APPBP2: variants seen among roughly 807,000 people sequenced by gnomAD.
The protein encoded by APPBP2 is amyloid protein-binding protein 2.
A neutral mutation model predicts 76.0 loss-of-function variants in APPBP2; 15 were observed. The observed-to-expected ratio is 0.20, with a 90% CI of 0.13 to 0.30. The LOEUF is 0.30. Among genes scored for constraint, APPBP2 ranks in the 10% least tolerant of loss-of-function variants. The pLI, the probability that APPBP2 is intolerant of heterozygous loss-of-function variation, is 1.00. For synonymous variants in APPBP2, 222 were observed against 242.2 expected, an observed-to-expected ratio of 0.92 and a Z score of 0.77; for missense variants, 401 against 687.2, an observed-to-expected ratio of 0.58 and a Z score of 4.66.
At position 60,466,380 on chromosome 17, in the gene APPBP2, T is replaced by C; in HGVS notation, c.583A>G (p.Lys195Glu). Residue 195 changes from lysine (K) to glutamate (E), a missense_variant, in exon 5 of 13, where the codon AAA becomes GAA. Lys to Glu is a moderately conservative substitution (Grantham distance 56). Coordinates refer to ENST00000083182, the MANE Select transcript of APPBP2 (RefSeq NM_006380.5). ...GCTTGCTGGCCATGTTTTGATAGTT[T>C]ATCCATATATGTCTGAGCTAATTTA... Reference protein sequence around the residue: ...TFKLAQTYMDKLSKHGQQANK... With the variant: ...TFKLAQTYMDELSKHGQQANK... 1 of 1,614,034 alleles carries C rather than the reference T, an allele frequency of 6.2e-7. No individual in the cohort carries two copies. The highest frequency in any genetic ancestry group is 1.1e-5 in the South Asian group (1 of 91,082).
intron 12 of APPBP2, among the ~76,000 whole-genome samples, chr17:60,449,598 A>G (rs529355441): frequency 5.3e-5 from 8 of 152,226 alleles, no homozygotes; most frequent in Non-Finnish European, 1.0e-4. Context: ...TCTTGTCTCA[A>G]AACAAAACAA....
chr17:60,504,517 T>C (rs2090851079), intron 1 of APPBP2, among the ~76,000 whole-genome samples: 1 of 152,202 alleles, frequency 6.6e-6, no homozygotes. Context: ...ATTCCAGATT[T>C]ATCAAAGTTT....
At chr17:60,448,869 T>G (rs1567916130) in intron 12 of APPBP2, among the ~76,000 whole-genome samples, 1 of 152,110 alleles carries the variant, frequency 6.6e-6, no homozygotes, top group East Asian at 1.9e-4. Flanking sequence ...TCAGAGAAAA[T>G]TATATGTATC....
At chr17:60,495,758 T>C (rs1161138321) in intron 2 of APPBP2, among the ~76,000 whole-genome samples, 2 of 152,110 alleles carry the variant, frequency 1.3e-5, no homozygotes, top group East Asian at 1.9e-4. Flanking sequence ...AAGTTAATCA[T>C]AGGGTTACCA....
intron 3 of APPBP2, among the ~76,000 whole-genome samples, chr17:60,481,543 G>A (rs1023873577): frequency 4.6e-5 from 7 of 152,146 alleles, no homozygotes; most frequent in Admixed American, 4.6e-4. Flanking sequence ...TTTATACAAT[G>A]TACTTAATTT....
rs771944141 is a variant in APPBP2, at chr17:60,497,743, T to C, written c.227+2656A>G. Among the ~76,000 whole-genome samples, 52 of 152,164 alleles carry C rather than the reference T, an allele frequency of 3.4e-4. 1 individual carries two copies. Among genetic ancestry groups the C allele is most frequent in the Non-Finnish European group, 4.7e-4 (32 of 68,024 alleles). On this transcript the variant is annotated intron_variant, in intron 2 of 12. Coordinates refer to ENST00000083182, the MANE Select transcript of APPBP2 (RefSeq NM_006380.5). The stretch of plus-strand genomic sequence containing the variant: ...AATGCTAACAACTTGGTAAGATTCT[T>C]ATTAGAGATCAGCAGTATTTTGTGA...
intron 3 of APPBP2, among the ~76,000 whole-genome samples, chr17:60,485,159 A>C (rs2090663402): frequency 6.6e-6 from 1 of 152,098 alleles, no homozygotes; most frequent in African/African-American, 2.4e-5. Context: ...ATATTGGTCT[A>C]AAATTCTCTT....
chr17:60,493,203 G>A (rs1489772324), intron 3 of APPBP2, among the ~76,000 whole-genome samples: 1 of 152,040 alleles, frequency 6.6e-6, no homozygotes, highest in East Asian at 1.9e-4. Context: ...ACCTCTTTTT[G>A]CTTTATAAAT....
intron 1 of APPBP2, among the ~76,000 whole-genome samples, chr17:60,503,421 CTT>C (rs2090839214): frequency 6.9e-6 from 1 of 144,340 alleles, no homozygotes; most frequent in Non-Finnish European, 1.5e-5. Flanking sequence ...GAGTTTTGCT[CTT>C]GTTGCCCAGG....
At chr17:60,479,707 A>G (rs2090615620) in intron 3 of APPBP2, among the ~76,000 whole-genome samples, 1 of 152,222 alleles carries the variant, frequency 6.6e-6, no homozygotes, top group Non-Finnish European at 1.5e-5. Flanking sequence ...TTAATCGATT[A>G]TCTTATTATT....
intron 3 of APPBP2, among the ~76,000 whole-genome samples, chr17:60,490,422 T>C (rs2090718531): frequency 6.6e-6 from 1 of 152,204 alleles, no homozygotes; most frequent in African/African-American, 2.4e-5. Flanking sequence ...CAGTGGCTCA[T>C]GCCTGTAATT....
intron 3 of APPBP2, among the ~76,000 whole-genome samples, chr17:60,482,739 A>G (rs796298246): frequency 4.6e-5 from 7 of 152,262 alleles, no homozygotes; most frequent in African/African-American, 1.7e-4. Context: ...AGCTTCATCC[A>G]TGTCCCTACA....
At chr17:60,503,737 A>G (rs1400307937) in intron 1 of APPBP2, among the ~76,000 whole-genome samples, 1 of 146,822 alleles carries the variant, frequency 6.8e-6, no homozygotes, top group African/African-American at 2.8e-5. Flanking sequence ...CCAATCCAGA[A>G]AAAAAATAAC....
intron 1 of APPBP2, among the ~76,000 whole-genome samples, chr17:60,515,496 A>AT (rs1172229334): frequency 1.3e-5 from 2 of 152,184 alleles, no homozygotes; most frequent in Non-Finnish European, 2.9e-5. Flanking sequence ...AGCTTGATAA[A>AT]TTTTTCACTT....
intron 10 of APPBP2, among the ~76,000 whole-genome samples, chr17:60,455,927 G>A (rs1181802013): frequency 2.0e-5 from 3 of 152,060 alleles, no homozygotes; most frequent in Non-Finnish European, 4.4e-5. Context: ...ACAGGTGCAC[G>A]CCACCACATC....
chr17:60,453,288 AT>A (rs1567917799), intron 11 of APPBP2, among the ~76,000 whole-genome samples: 6 of 151,902 alleles, frequency 3.9e-5, no homozygotes. Flanking sequence ...GGTTCAAGCA[AT>A]TCTCCTGTCT....
chr17:60,464,663 A>T (rs1292065563), intron 5 of APPBP2: 1 of 152,400 alleles, frequency 6.6e-6, no homozygotes, highest in Non-Finnish European at 1.5e-5. Context: ...AGTGGCAGGT[A>T]ATGTGCTAGT....
intron 4 of APPBP2, among the ~76,000 whole-genome samples, chr17:60,469,197 G>A (rs138677074): frequency 1.3e-5 from 2 of 151,930 alleles, no homozygotes; most frequent in East Asian, 1.9e-4. Flanking sequence ...ATGGTGGTGC[G>A]TGCCTGTAGT....
At chr17:60,523,732 C>G (rs2091028426) in intron 1 of APPBP2, among the ~76,000 whole-genome samples, 1 of 151,924 alleles carries the variant, frequency 6.6e-6, no homozygotes, top group Admixed American at 6.6e-5. Context: ...GAATAGAGTC[C>G]TGGGACTGAC....
Sources: gnomAD v4.1 joint callset for allele counts (sites outside exome capture counted in the v4.1 genomes callset) on GRCh38, gnomAD v4.1.1 for gene constraint, MANE v1.5 for transcripts, NCBI Gene and HGNC (gene_info 2026-07-23, HGNC 2026-07-21) for gene names.